FBXL2: variants seen among roughly 807,000 people sequenced by gnomAD.
The protein encoded by FBXL2 is F-box/LRR-repeat protein 2.
In FBXL2, 38 loss-of-function variants were observed where a neutral mutation model predicts 69.2. The observed-to-expected ratio is 0.55, with a 90% CI of 0.42 to 0.72. The LOEUF (loss-of-function observed/expected upper bound fraction) is 0.72. Ranked by LOEUF, FBXL2 falls within the 30% of genes least tolerant of loss-of-function variation. The pLI, the probability that FBXL2 is intolerant of heterozygous loss-of-function variation, is 0.00. For synonymous variants in FBXL2, 192 were observed against 201.3 expected (o/e 0.95, Z 0.39); for missense variants, 354 against 520.3 (o/e 0.68, Z 3.11).
rs140972481 is a variant in FBXL2 at position 33,380,198 on chromosome 3, C to T, written c.951+1457C>T. ...CAAGGTCACACCACTGCACTCCAGTCTGGCGACAGAGTGAGACTCTGTCTC... is the reference window on the plus strand; with the variant it reads ...CAAGGTCACACCACTGCACTCCAGTTTGGCGACAGAGTGAGACTCTGTCTC... On this transcript the variant is annotated intron_variant, in intron 13 of 14. Transcript: ENST00000484457. Among the ~76,000 whole-genome samples the T allele has an allele frequency of 9.3e-3, 1,363 of 146,460 alleles. 16 individuals carry two copies. The highest frequency in any genetic ancestry group is 0.032 in the African/African-American group (1,268 of 39,356).
At chr3:33,300,195 G>A (rs2036147021) in intron 2 of FBXL2, among the ~76,000 whole-genome samples, 1 of 152,022 alleles carries the variant, frequency 6.6e-6, no homozygotes, top group Admixed American at 6.6e-5. Context: ...TAACTGAATG[G>A]TTTTTTCCTT....
intron 2 of FBXL2, among the ~76,000 whole-genome samples, chr3:33,357,511 T>C (rs1021645870): frequency 6.7e-6 from 1 of 150,314 alleles, no homozygotes; most frequent in Non-Finnish European, 1.5e-5. Context: ...CATTTTTCTA[T>C]GTACAAAGAT....
chr3:33,417,801 A>G, the FBXL2 span, among the ~76,000 whole-genome samples: 1 of 152,226 alleles, frequency 6.6e-6, no homozygotes, highest in Non-Finnish European at 1.5e-5. Context: ...GAGAATCTTT[A>G]TAACTACCAA....
chr3:33,377,982 G>A, intron 11 of FBXL2, 121 bp from the exon 12 acceptor site: 2 of 919,100 alleles, frequency 2.2e-6, no homozygotes, highest in Non-Finnish European at 3.6e-6. Context: ...TAGGAAGAGG[G>A]CATACTTCTT....
intron 12 of FBXL2, among the ~76,000 whole-genome samples, chr3:33,395,081 C>A (rs1300333671): frequency 2.0e-5 from 3 of 152,112 alleles, no homozygotes; most frequent in Non-Finnish European, 4.4e-5. Flanking sequence ...ATAATCTTGG[C>A]CATATCTAAG....
intron 1 of FBXL2, among the ~76,000 whole-genome samples, chr3:33,280,748 G>A (rs1013809853): frequency 2.0e-5 from 3 of 150,788 alleles, no homozygotes; most frequent in Admixed American, 6.6e-5. Flanking sequence ...AGAAAAAAAG[G>A]CATCTAATAA....
chr3:33,366,881 C>A (rs1403130826), intron 5 of FBXL2, among the ~76,000 whole-genome samples: 1 of 152,014 alleles, frequency 6.6e-6, no homozygotes, highest in Non-Finnish European at 1.5e-5. Flanking sequence ...GGAGAATGGC[C>A]TGAACTCGGG....
At chr3:33,381,546 C>T (rs1421401299) in intron 13 of FBXL2, among the ~76,000 whole-genome samples, 2 of 151,970 alleles carry the variant, frequency 1.3e-5, no homozygotes, top group Non-Finnish European at 2.9e-5. Context: ...ACCGCTTGAA[C>T]CTGGGAGGTG....
chr3:33,359,279 C>T lies in FBXL2; in HGVS notation c.121-4C>T, dbSNP rs2041443488. On this transcript the variant is annotated splice_region_variant and splice_polypyrimidine_tract_variant and intron_variant, in intron 3 of 14. Transcript: ENST00000484457. The stretch of plus-strand genomic sequence containing the variant: ...TCCCTCTTCCTTTACCTCCCACCTT[C>T]CAGGCTTGGAACATCTTAGCCCTGG... 13 of 1,609,224 alleles carry T rather than the reference C, an allele frequency of 8.1e-6. No individual in the cohort carries two copies. The highest frequency in any genetic ancestry group is 1.1e-5 in the Non-Finnish European group (13 of 1,176,988).
downstream of FBXL2, among the ~76,000 whole-genome samples, chr3:33,406,869 G>A (rs535232685): frequency 1.1e-4 from 16 of 152,164 alleles, no homozygotes; most frequent in Non-Finnish European, 2.4e-4. Flanking sequence ...AAGACCAACA[G>A]ACACACTAAG....
At chr3:33,298,288 T>G (rs1243520824) in intron 2 of FBXL2, among the ~76,000 whole-genome samples, 1 of 152,214 alleles carries the variant, frequency 6.6e-6, no homozygotes, top group African/African-American at 2.4e-5. Flanking sequence ...TTATTTTGGT[T>G]GTTGTTTTTA....
chr3:33,403,510 A>ATCTATCTATCTATCTATCTG (rs1429519631), exon 13 of FBXL2: 4 of 21,174 alleles, frequency 1.9e-4, no homozygotes, highest in African/African-American at 3.0e-4. Context: ...CTATCTATCT[A>ATCTATCTATCTATCTATCTG]TCTGTCTGTC....
In FBXL2 at chr3:33,373,111, C is replaced by T. The variant is rs1054565676; in HGVS notation, c.310C>T (p.Arg104Ter). 5 of 1,613,936 alleles carry T rather than the reference C, an allele frequency of 3.1e-6. No homozygotes were observed. Among genetic ancestry groups the T allele is most frequent in the African/African-American group, 1.3e-5 (1 of 74,936 alleles). The part of the protein sequence containing the change: ...SSLKTFAQNC[R>*]NIEHLNLNGC... ...TTTTAGGACCTTTGCACAGAACTGC[C>T]GAAACATTGAACATTTGAACCTCAA... Residue 104 changes from arginine to a stop codon, truncating the protein, a stop_gained, in exon 6 of 15, where the codon CGA becomes TGA. Transcript: ENST00000484457. LOFTEE classifies it high-confidence loss of function.
At chr3:33,390,284 T>C (rs1252605034), downstream of FBXL2, 2 of 1,578,780 alleles carry the variant, frequency 1.3e-6, no homozygotes, top group African/African-American at 1.3e-5. Context: ...CACACACTTT[T>C]AAGCGTGACT....
Position 33,375,356 on chromosome 3 carries a change from G to C in FBXL2, c.726G>C (p.Ser242=). 1.9e-6 allele frequency: 3 copies of C among 1,614,156 alleles called. No individual in the cohort carries two copies. The highest frequency in any genetic ancestry group is 2.5e-6 in the Non-Finnish European group (3 of 1,180,028). The part of the protein sequence containing the change: ...GCHRLQALCL[S]GCSNLTDASL... ...ACCGGCTACAGGCTCTCTGCCTTTC[G>C]GGTTGCAGCAACCTCACAGATGCCT... Residue 242 remains serine, a synonymous_variant, in exon 10 of 15, where the codon TCG becomes TCC. Transcript: ENST00000484457.
At chr3:33,418,327 C>T in the FBXL2 span, among the ~76,000 whole-genome samples, 1 of 152,040 alleles carries the variant, frequency 6.6e-6, no homozygotes, top group African/African-American at 2.4e-5. Flanking sequence ...AATCTCGGCT[C>T]ACTGCAACCT....
At chr3:33,289,640 A>G (rs917495508) in intron 1 of FBXL2, 4 of 380,806 alleles carry the variant, frequency 1.1e-5, no homozygotes, top group African/African-American at 6.6e-5. Flanking sequence ...GACTGCACAT[A>G]GGCTGGAGTG....
At chr3:33,400,364 T>G (rs2044177754) in intron 12 of FBXL2, 1 of 1,149,948 alleles carries the variant, frequency 8.7e-7, no homozygotes, top group Non-Finnish European at 1.2e-6. Context: ...AGCCTCGGAG[T>G]CTGAAGTAAA....
chr3:33,418,134 A>G, the FBXL2 span, among the ~76,000 whole-genome samples: 2 of 152,268 alleles, frequency 1.3e-5, no homozygotes, highest in East Asian at 1.9e-4. Flanking sequence ...TGAAGAATAT[A>G]AAGTTTTGAA....
Sources: gnomAD v4.1 joint callset for allele counts (sites outside exome capture counted in the v4.1 genomes callset) on GRCh38, gnomAD v4.1.1 for gene constraint, MANE v1.5 for transcripts, NCBI Gene and HGNC (gene_info 2026-07-23, HGNC 2026-07-21) for gene names.